ZNF471: variants seen among roughly 807,000 people sequenced by gnomAD.
ZNF471 encodes zinc finger protein 471, also known as EZFIT-related protein 1.
Under a neutral mutation model 13.7 loss-of-function variants are expected in ZNF471, and 7 were observed. The observed-to-expected ratio is 0.51, with a 90% confidence interval of 0.29 to 0.96. ZNF471 has a LOEUF of 0.96. ZNF471 is among the 40% of genes least tolerant of loss of function. The pLI is 0.08. For missense variants in ZNF471, 663 were observed against 743.3 expected, an observed-to-expected ratio of 0.89 and a Z score of 1.26; for synonymous variants, 218 against 235.6, an observed-to-expected ratio of 0.93 and a Z score of 0.68.
chr19:56,525,212 A>T lies in ZNF471; in HGVS notation c.1145A>T (p.Lys382Ile). The T allele has an allele frequency of 6.2e-7, 1 of 1,614,146 alleles. No homozygotes were observed. Among genetic ancestry groups the T allele is most frequent in the Non-Finnish European group, 8.5e-7 (1 of 1,180,022 alleles). Residue 382 changes from lysine to isoleucine, a missense_variant, in exon 5 of 5, where the codon AAA becomes ATA. Transcript: ENST00000308031. Reference sequence around the variant, plus strand: ...CCTTTTAATTGCATTGATTGTGGGAAAGCCTTCAGTGTTCACATAGGACTT... The same window carrying T: ...CCTTTTAATTGCATTGATTGTGGGATAGCCTTCAGTGTTCACATAGGACTT... ...EKPFNCIDCG[K>I]AFSVHIGLIL...
At chr19:56,521,667 A>G (rs1262474180) in intron 4 of ZNF471, among the ~76,000 whole-genome samples, 1 of 146,200 alleles carries the variant, frequency 6.8e-6, no homozygotes, top group Admixed American at 6.8e-5. Context: ...AAACTCTTCT[A>G]TTGCTGGGCA....
Position 56,526,048 on chromosome 19 carries a change from A to T in ZNF471, c.*100A>T. On this transcript the variant is annotated 3_prime_UTR_variant, in exon 5 of 5. Transcript: ENST00000308031. The stretch of plus-strand genomic sequence containing the variant: ...AAAAACATATAAATGTAAGAAATGT[A>T]GAAAAACCTTCAGCCAGGAGGCTGG... The T allele has an allele frequency of 7.6e-7, 1 of 1,313,702 alleles. No individual in the cohort carries two copies. The highest frequency in any genetic ancestry group is 1.0e-6 in the Non-Finnish European group (1 of 972,742). The allele number at this position is 1,313,702 out of a possible 1,614,324, so 81.4% of individuals were successfully genotyped here. A position where few individuals can be genotyped will look rare whatever the true frequency, so the allele number is the denominator to read the frequency against.
chr19:56,524,680 C>G lies in ZNF471; in HGVS notation c.613C>G (p.Leu205Val). 1 of 1,578,150 alleles carries G rather than the reference C, an allele frequency of 6.3e-7. No homozygotes were observed. The highest frequency in any genetic ancestry group is 1.4e-5 in the African/African-American group (1 of 72,650). Reference protein sequence around the residue: ...KHKKVYVGKKLFKCNECDKTF... With the variant: ...KHKKVYVGKKVFKCNECDKTF... ...CAAGAAAGTCTATGTAGGAAAGAAGCTTTTTAAATGTAATGAATGTGACAA... is the reference window on the plus strand; with the variant it reads ...CAAGAAAGTCTATGTAGGAAAGAAGGTTTTTAAATGTAATGAATGTGACAA... The change falls in exon 5 of 5, where the codon CTT becomes GTT. Residue 205 changes from leucine to valine, a missense_variant. Transcript: ENST00000308031. This position sits in a 1 kb window ranked among gnomAD's most constrained non-coding sequence, Gnocchi z 4.8.
At chr19:56,515,385 T>A (rs2043869860) in intron 2 of ZNF471, among the ~76,000 whole-genome samples, 1 of 111,564 alleles carries the variant, frequency 9.0e-6, no homozygotes, top group African/African-American at 2.8e-5. Flanking sequence ...TCAGTAAAAC[T>A]GTGAGTACAC....
rs564438972 is a variant in ZNF471 at position 56,530,160 on chromosome 19, A to T, written c.*4212A>T. ...TTATGAACTGAGATGTAACTTCATG[A>T]CTAACATGATGACATCGTTATTAAC... On this transcript the variant is annotated 3_prime_UTR_variant, in exon 5 of 5. Transcript: ENST00000308031. 6.6e-6 allele frequency: 1 copy of T among 152,350 alleles called. No individual in the cohort carries two copies. The highest frequency in any genetic ancestry group is 2.1e-4 in the South Asian group (1 of 4,832). 9.4% of individuals were successfully genotyped at this position (152,350 alleles called of 1,614,324 possible).
chr19:56,516,336 A>G lies in ZNF471; in HGVS notation c.95A>G (p.Asn32Ser). The G allele has an allele frequency of 6.2e-7, 1 of 1,613,942 alleles. No individual in the cohort carries two copies. The highest frequency in any genetic ancestry group is 8.5e-7 in the Non-Finnish European group (1 of 1,179,878). Reference protein sequence around the residue: ...DFSQEEWQWMNPAQKRLYRSM... With the variant: ...DFSQEEWQWMSPAQKRLYRSM... ...TCCCAGGAAGAATGGCAATGGATGAACCCTGCTCAGAAGCGTTTATACAGG... is the reference window on the plus strand; with the variant it reads ...TCCCAGGAAGAATGGCAATGGATGAGCCCTGCTCAGAAGCGTTTATACAGG... The change falls in exon 3 of 5, where the codon AAC becomes AGC. Residue 32 changes from asparagine to serine, a missense_variant. Coordinates refer to ENST00000308031, the MANE Select transcript of ZNF471 (RefSeq NM_020813.4). The surrounding 1 kb of genome is among the most constrained non-coding windows in gnomAD (Gnocchi z 4.4).
At chr19:56,511,413 A>G (rs1041293518) in intron 1 of ZNF471, 104 bp from the exon 2 acceptor site, 12 of 878,934 alleles carry the variant, frequency 1.4e-5, no homozygotes, top group African/African-American at 5.1e-5. Context: ...ATACCCAGTT[A>G]TGGGATCAAC....
Position 56,525,940 on chromosome 19 carries a change from G to A in ZNF471, c.1873G>A (p.Glu625Lys), listed in dbSNP as rs149845036. ...TCATCAAAGAAGTCATACTGGAGAA[G>A]AACCTTAAGAATGTAGTGCATGTGG... ...ICHQRSHTGEEP is the reference protein window; with the variant it reads ...ICHQRSHTGEKP Residue 625 changes from glutamate (E) to lysine (K), a missense_variant, in exon 5 of 5, where the codon GAA becomes AAA. By Grantham distance (56) the Glu-to-Lys change is moderately conservative. Coordinates refer to ENST00000308031, the MANE Select transcript of ZNF471 (RefSeq NM_020813.4). 1.7e-4 allele frequency: 268 copies of A among 1,552,748 alleles called. No homozygotes were observed. In the African/African-American group the frequency reaches 3.4e-3, roughly 20 times the overall value.
rs1430879071 is a variant in ZNF471 at position 56,529,666 on chromosome 19, G to C, written c.*3718G>C. On this transcript the variant is annotated 3_prime_UTR_variant, in exon 5 of 5. Transcript: ENST00000308031. ...ATGTCAACAAAATTTATTGGATGAA[G>C]AAATTAAAATGGTTAAATAGAAGAA... The C allele has an allele frequency of 1.3e-5, 2 of 152,170 alleles. No individual in the cohort carries two copies. The highest frequency in any genetic ancestry group is 2.9e-5 in the Non-Finnish European group (2 of 68,014). 9.4% of individuals were successfully genotyped at this position (152,170 alleles called of 1,614,324 possible).
intron 2 of ZNF471, among the ~76,000 whole-genome samples, chr19:56,515,688 A>G (rs1018922778): frequency 2.0e-5 from 3 of 152,304 alleles, no homozygotes; most frequent in African/African-American, 7.2e-5. Flanking sequence ...AAATGCCCAC[A>G]ATAACTTTTA....
At position 56,508,244 on chromosome 19, in the gene ZNF471, T is replaced by C. The variant is rs1300776393; in HGVS notation, c.-56+324T>C. The C allele has an allele frequency of 1.1e-6, 1 of 919,678 alleles. No individual in the cohort carries two copies. Among genetic ancestry groups the C allele is most frequent in the Non-Finnish European group, 1.3e-6 (1 of 775,496 alleles). 57.0% of individuals were successfully genotyped at this position (919,678 alleles called of 1,614,324 possible). ...GGTGTGGTTTCTGTGTGTGTGTGTG[T>C]GTGTGTGTGACAGACCGAGAGTCCA... is the stretch of plus-strand genomic sequence containing the variant. On this transcript the variant is annotated intron_variant, in intron 1 of 4. Transcript: ENST00000308031. The surrounding 1 kb of genome is among the most constrained non-coding windows in gnomAD (Gnocchi z 4.7).
Position 56,507,888 on chromosome 19 carries a change from A to C in ZNF471, c.-88A>C, listed in dbSNP as rs1290076660. ...AGCGTCGACTCACGGAGTCCTTCGG[A>C]TGAGAGCGTCTGGGTGCCAGACGAG... On this transcript the variant is annotated 5_prime_UTR_variant, in exon 1 of 5. An upstream start codon of the reference 5' UTR is lost. Transcript: ENST00000308031. 2 of 985,406 alleles carry C rather than the reference A, an allele frequency of 2.0e-6. No individual in the cohort carries two copies. The highest frequency in any genetic ancestry group is 2.4e-6 in the Non-Finnish European group (2 of 830,062). 61.0% of individuals were successfully genotyped at this position (985,406 alleles called of 1,614,324 possible).
Position 56,511,553 on chromosome 19 carries a change from AC to A in ZNF471, c.-17del, listed in dbSNP as rs745390986. 1.2e-6 allele frequency: 2 copies of A among 1,614,008 alleles called. No individual in the cohort carries two copies. The highest frequency in any genetic ancestry group is 2.2e-5 in the South Asian group (2 of 91,054). ...CAAGACACTGTTCTTCAAGAGAAAG[AC>A]CAGAAGAGAAGGCAAAAATGAATGT... On this transcript the variant is annotated 5_prime_UTR_variant, in exon 2 of 5. Coordinates refer to ENST00000308031, the MANE Select transcript of ZNF471 (RefSeq NM_020813.4).
Position 56,525,737 on chromosome 19 carries a change from A to G in ZNF471, c.1670A>G (p.Asn557Ser), listed in dbSNP as rs755521685. The G allele has an allele frequency of 4.3e-6, 7 of 1,613,854 alleles. No individual in the cohort carries two copies. The highest frequency in any genetic ancestry group is 5.9e-6 in the Non-Finnish European group (7 of 1,179,840). ...ECGKAFSQTS[N>S]LTQHQRIHTG... is the part of the protein sequence containing the mutation. ...GGGAAAGCCTTCAGCCAAACTTCCA[A>G]TCTTACTCAACATCAAAGAATTCAT... Residue 557 changes from asparagine to serine, a missense_variant, in exon 5 of 5, where the codon AAT (asparagine) becomes AGT (serine). Physicochemically the swap from Asn to Ser is conservative, Grantham distance 46. Transcript: ENST00000308031.
intron 4 of ZNF471, 67 bp downstream of exon 4, chr19:56,518,644 T>G: frequency 7.5e-7 from 1 of 1,332,600 alleles, no homozygotes; most frequent in Non-Finnish European, 1.1e-6. Context: ...TTAGAGGTGA[T>G]ACCTTCTCAC....
rs1489138844 is a variant in ZNF471, at chr19:56,527,596, T to C, written c.*1648T>C. 1 of 152,166 alleles carries C rather than the reference T, an allele frequency of 6.6e-6. No individual in the cohort carries two copies. The highest frequency in any genetic ancestry group is 1.5e-5 in the Non-Finnish European group (1 of 68,036). 9.4% of individuals were successfully genotyped at this position (152,166 alleles called of 1,614,324 possible). On this transcript the variant is annotated 3_prime_UTR_variant, in exon 5 of 5. Coordinates refer to ENST00000308031, the MANE Select transcript of ZNF471 (RefSeq NM_020813.4). Reference sequence around the variant, plus strand: ...AACCTTGAAAAAAGGTTAGAGGAATTGCTAACTAGAATAACCAGTTTAGAG... The same window carrying C: ...AACCTTGAAAAAAGGTTAGAGGAATCGCTAACTAGAATAACCAGTTTAGAG...
chr19:56,517,144 C>CTTTT (rs145588906), intron 3 of ZNF471, among the ~76,000 whole-genome samples: 1 of 126,114 alleles, frequency 7.9e-6, no homozygotes. Context: ...CTCTCGCTCT[C>CTTTT]TTTTTTTTTT....
At position 56,526,341 on chromosome 19, in the gene ZNF471, C is replaced by A. The variant is rs1164130643; in HGVS notation, c.*393C>A. The stretch of plus-strand genomic sequence containing the variant: ...GGAATGGTGCACTCCGGCACAGATA[C>A]TACGCTTTTCCCATGGTCTTCGCAA... On this transcript the variant is annotated 3_prime_UTR_variant, in exon 5 of 5. Transcript: ENST00000308031. 2.4e-5 allele frequency: 4 copies of A among 166,566 alleles called. No homozygotes were observed. The highest frequency in any genetic ancestry group is 1.7e-4 in the East Asian group (1 of 5,748). 10.3% of individuals were successfully genotyped at this position (166,566 alleles called of 1,614,324 possible). A position where few individuals can be genotyped will look rare whatever the true frequency, so the allele number is the denominator to read the frequency against.
In ZNF471 at chr19:56,518,477, T is replaced by C. The variant is rs1328226668; in HGVS notation, c.161-5T>C. ...CCAATTTTCATGTCTTTTTTTTATA[T>C]GTAGGTCTTTGCATTTCTAAGCCAT... On this transcript the variant is annotated splice_polypyrimidine_tract_variant and splice_region_variant and intron_variant, in intron 3 of 4. Transcript: ENST00000308031. 6.2e-7 allele frequency: 1 copy of C among 1,610,822 alleles called. No individual in the cohort carries two copies. The highest frequency in any genetic ancestry group is 8.5e-7 in the Non-Finnish European group (1 of 1,178,348).
Sources: allele counts gnomAD v4.1 joint callset (sites outside exome capture counted in the v4.1 genomes callset), GRCh38; gene constraint gnomAD v4.1.1; non-coding constraint Gnocchi (gnomAD v3.1); transcripts MANE v1.5; gene names NCBI Gene and HGNC (gene_info 2026-07-23, HGNC 2026-07-21).